The following SPAG16 variants were observed in gnomAD, a reference collection of about 807,000 sequenced individuals.
SPAG16 encodes the protein sperm associated antigen 16.
In SPAG16, 86 loss-of-function variants were observed where a neutral mutation model predicts 80.4. That is an observed-to-expected ratio of 1.07 (90% CI 0.90 to 1.28). SPAG16 has a LOEUF of 1.28. Among genes scored for constraint, SPAG16 ranks in the 50% most tolerant of loss-of-function variants. SPAG16 has a pLI of 0.00. For missense variants in SPAG16, 870 were observed against 765.3 expected, an observed-to-expected ratio of 1.14 and a Z score of -1.61; for synonymous variants, 294 against 265.9, an observed-to-expected ratio of 1.11 and a Z score of -1.03.
intron 15 of SPAG16, among the ~76,000 whole-genome samples, chr2:214,168,558 G>A (rs755583584): frequency 5.0e-4 from 76 of 152,104 alleles, no homozygotes; most frequent in Non-Finnish European, 9.1e-4. Context: ...GCCATGTTAA[G>A]TATACACAGT....
chr2:214,108,475 ACACAC>A (rs762786596), intron 14 of SPAG16, among the ~76,000 whole-genome samples: 64 of 86,080 alleles, frequency 7.4e-4, no homozygotes, highest in African/African-American at 2.7e-3. Flanking sequence ...ACACACACAC[ACACAC>A]CCCCACACAC....
At chr2:214,373,535 G>T (rs895912263) in intron 15 of SPAG16, among the ~76,000 whole-genome samples, 35 of 152,160 alleles carry the variant, frequency 2.3e-4, no homozygotes, top group African/African-American at 7.7e-4. Flanking sequence ...CCATGGCAGG[G>T]AATGTTCAAT....
chr2:213,392,129 G>C (rs1156243531), intron 9 of SPAG16, among the ~76,000 whole-genome samples: 3 of 152,186 alleles, frequency 2.0e-5, no homozygotes, highest in African/African-American at 7.2e-5. Context: ...ATGCAAATGT[G>C]AAAAGGAGAG....
At chr2:214,106,247 T>A (rs137930970) in intron 13 of SPAG16, among the ~76,000 whole-genome samples, 1 of 152,154 alleles carries the variant, frequency 6.6e-6, no homozygotes, top group Non-Finnish European at 1.5e-5. Flanking sequence ...AACCAAAAAA[T>A]TTCTAAGATA....
chr2:213,695,476 A>G (rs1265816560), intron 10 of SPAG16, among the ~76,000 whole-genome samples: 4 of 152,206 alleles, frequency 2.6e-5, no homozygotes, highest in African/African-American at 7.2e-5. Context: ...GGCCACACCA[A>G]TGAGTAACAC....
At chr2:214,330,598 C>T (rs1696847081) in intron 15 of SPAG16, among the ~76,000 whole-genome samples, 1 of 152,108 alleles carries the variant, frequency 6.6e-6, no homozygotes. Flanking sequence ...ACATCTGGAG[C>T]TGGGATGGCT....
intron 9 of SPAG16, among the ~76,000 whole-genome samples, chr2:213,457,261 A>AT (rs1370201089): frequency 1.3e-5 from 2 of 151,838 alleles, no homozygotes; most frequent in African/African-American, 2.4e-5. Context: ...TTTTCCAAGC[A>AT]TTTTTTTCTC....
At chr2:214,203,283 C>T (rs1481206060) in intron 15 of SPAG16, among the ~76,000 whole-genome samples, 1 of 151,942 alleles carries the variant, frequency 6.6e-6, no homozygotes, top group East Asian at 1.9e-4. Flanking sequence ...TTCTTTAAAG[C>T]ATTTAAGTTG....
chr2:213,576,323 T>C (rs2060123515), intron 10 of SPAG16, among the ~76,000 whole-genome samples: 1 of 152,178 alleles, frequency 6.6e-6, no homozygotes. Flanking sequence ...TTGGTTACTG[T>C]AGCCCTGTAG....
rs114930851 is a variant in SPAG16, at chr2:213,374,019, C to G, written c.833-991C>G. Among the ~76,000 whole-genome samples the G allele has an allele frequency of 9.3e-3, 1,421 of 152,242 alleles. 21 individuals carry two copies. The highest frequency in any genetic ancestry group is 0.032 in the African/African-American group (1,332 of 41,536). ...TCAGTATCCTAGATGCTGTGGGACT[C>G]TAGCTTAGCACCTTCGGGGAGGACA... On this transcript the variant is annotated intron_variant, in intron 8 of 15. Coordinates refer to ENST00000331683, the MANE Select transcript of SPAG16 (RefSeq NM_024532.5).
intron 14 of SPAG16, among the ~76,000 whole-genome samples, chr2:214,108,468 CACACACACACA>C (rs1228219501): frequency 3.9e-4 from 35 of 89,172 alleles, no homozygotes; most frequent in Middle Eastern, 5.8e-3. Flanking sequence ...CACACACACA[CACACACACACA>C]CCCCCACACA....
At chr2:214,309,126 T>C (rs1477611078) in intron 15 of SPAG16, among the ~76,000 whole-genome samples, 2 of 152,184 alleles carry the variant, frequency 1.3e-5, no homozygotes, top group Admixed American at 6.5e-5. Context: ...ACCTGTCTTA[T>C]TTAAGAAAGC....
intron 10 of SPAG16, among the ~76,000 whole-genome samples, chr2:213,528,729 AG>A (rs1383937080): frequency 6.7e-6 from 1 of 149,302 alleles, no homozygotes; most frequent in African/African-American, 2.4e-5. Context: ...CCACACTGGA[AG>A]AAGAATTGTC....
At chr2:214,231,537 A>G (rs1323705324) in intron 15 of SPAG16, among the ~76,000 whole-genome samples, 1 of 152,042 alleles carries the variant, frequency 6.6e-6, no homozygotes, top group Non-Finnish European at 1.5e-5. Flanking sequence ...GTATTTCTCC[A>G]TTTACAATTT....
intron 1 of SPAG16, among the ~76,000 whole-genome samples, chr2:213,290,901 C>CT (rs1165045453): frequency 3.9e-5 from 6 of 152,148 alleles, no homozygotes; most frequent in African/African-American, 7.2e-5. Flanking sequence ...TTCACTCTGC[C>CT]TTTTTTACCG....
intron 14 of SPAG16, among the ~76,000 whole-genome samples, chr2:214,121,924 A>C (rs1041702952): frequency 8.6e-5 from 13 of 151,848 alleles, no homozygotes; most frequent in African/African-American, 3.1e-4. Context: ...ATATTCTAAA[A>C]TTTTTAAAAA....
intron 10 of SPAG16, among the ~76,000 whole-genome samples, chr2:213,831,454 C>G (rs2073653985): frequency 6.6e-6 from 1 of 150,550 alleles, no homozygotes; most frequent in South Asian, 2.1e-4. Context: ...GGATTCCTTT[C>G]TTACATTTGT....
At chr2:213,886,840 A>G (rs2076574140) in intron 11 of SPAG16, among the ~76,000 whole-genome samples, 1 of 152,136 alleles carries the variant, frequency 6.6e-6, no homozygotes, top group East Asian at 1.9e-4. Context: ...GAAGATGACT[A>G]AAACCATTTA....
chr2:214,222,670 A>G (rs893683407), intron 15 of SPAG16, among the ~76,000 whole-genome samples: 7 of 152,198 alleles, frequency 4.6e-5, no homozygotes, highest in Non-Finnish European at 1.0e-4. Flanking sequence ...TATCATGAAC[A>G]GTGTCTGAAA....
Sources: allele counts gnomAD v4.1 joint callset (sites outside exome capture counted in the v4.1 genomes callset), GRCh38; gene constraint gnomAD v4.1.1; transcripts MANE v1.5; gene names NCBI Gene and HGNC (gene_info 2026-07-23, HGNC 2026-07-21).